NEK6: variants seen among roughly 807,000 people sequenced by gnomAD.
NEK6 encodes the protein serine/threonine-protein kinase Nek6.
In NEK6, 27 loss-of-function variants were observed where a neutral mutation model predicts 43.5. The ratio of observed to expected loss-of-function variants is 0.62; its 90% CI spans 0.46 to 0.86. NEK6 has a LOEUF of 0.86. Among genes scored for constraint, NEK6 ranks in the 40% least tolerant of loss-of-function variants. NEK6 has a pLI of 0.00. For missense variants in NEK6, 318 were observed against 414.4 expected (o/e 0.77, Z 2.02); for synonymous variants, 167 against 164.1 (o/e 1.02, Z -0.14).
At chr9:124,268,107 G>C (rs767577818) in intron 1 of NEK6, among the ~76,000 whole-genome samples, 1 of 152,122 alleles carries the variant, frequency 6.6e-6, no homozygotes, top group Non-Finnish European at 1.5e-5. Context: ...CAGGACATAT[G>C]GTCACTGTGA....
chr9:124,335,879 G>A (rs1276304338), intron 7 of NEK6, among the ~76,000 whole-genome samples: 7 of 152,256 alleles, frequency 4.6e-5, no homozygotes, highest in Non-Finnish European at 1.0e-4. Context: ...GGAGACCAAT[G>A]TGGGAGGATC....
At chr9:124,291,188 G>A (rs549503300) in intron 1 of NEK6, among the ~76,000 whole-genome samples, 43 of 152,274 alleles carry the variant, frequency 2.8e-4, no homozygotes, top group African/African-American at 7.9e-4. Context: ...TGTTTTACCC[G>A]TGAGAATGCA....
chr9:124,353,228 C>T lies in NEK6; in HGVS notation c.*2281C>T. The stretch of plus-strand genomic sequence containing the variant: ...AACCAAACCAAACCTGAGGCCACCC[C>T]AAACAAATTCAGCCAGCAAAAAGGG... On this transcript the variant is annotated 3_prime_UTR_variant, in exon 10 of 10. Coordinates refer to ENST00000320246, the MANE Select transcript of NEK6 (RefSeq NM_014397.6). 1 of 224,546 alleles carries T rather than the reference C, an allele frequency of 4.5e-6. No homozygotes were observed. The highest frequency in any genetic ancestry group is 8.7e-6 in the Non-Finnish European group (1 of 115,570). The allele number at this position is 224,546 out of a possible 1,614,324, so 13.9% of individuals were successfully genotyped here.
intron 2 of NEK6, among the ~76,000 whole-genome samples, chr9:124,305,045 G>A (rs1054461647): frequency 6.6e-6 from 1 of 152,182 alleles, no homozygotes; most frequent in Non-Finnish European, 1.5e-5. Flanking sequence ...AGAAAGCCCC[G>A]GCTAATGTGT....
Position 124,312,637 on chromosome 9 carries a change from G to A in NEK6, c.219G>A (p.Leu73=). ...TGCTGGACAGGAAGACAGTGGCTCT[G>A]AAGAAGGTGCAGGTGAGCTGACAAC... ...TCLLDRKTVA[L]KKVQIFEMMD... Residue 73 remains leucine (L), a synonymous_variant, in exon 3 of 10, where the codon CTG becomes CTA. Coordinates refer to ENST00000320246, the MANE Select transcript of NEK6 (RefSeq NM_014397.6). The A allele has an allele frequency of 6.2e-7, 1 of 1,613,286 alleles. No homozygotes were observed. The highest frequency in any genetic ancestry group is 8.5e-7 in the Non-Finnish European group (1 of 1,179,338).
At chr9:124,320,872 G>T (rs746210957) in intron 4 of NEK6, among the ~76,000 whole-genome samples, 1 of 152,184 alleles carries the variant, frequency 6.6e-6, no homozygotes, top group Non-Finnish European at 1.5e-5. Context: ...TGGGAGGATC[G>T]CTTGAACCTA....
At chr9:124,279,762 C>T (rs1831812661) in intron 1 of NEK6, among the ~76,000 whole-genome samples, 1 of 152,236 alleles carries the variant, frequency 6.6e-6, no homozygotes, top group Non-Finnish European at 1.5e-5. Context: ...ATTGGCACCA[C>T]CCAGTCACTC....
At chr9:124,262,486 C>T (rs536311352) in intron 1 of NEK6, among the ~76,000 whole-genome samples, 37 of 152,334 alleles carry the variant, frequency 2.4e-4, no homozygotes, top group Non-Finnish European at 4.3e-4. Context: ...TACATGGCTG[C>T]GCCATTGTCT....
intron 1 of NEK6, among the ~76,000 whole-genome samples, chr9:124,271,018 C>G (rs1831415319): frequency 6.6e-6 from 1 of 152,226 alleles, no homozygotes; most frequent in Non-Finnish European, 1.5e-5. Flanking sequence ...CTCCACAGAG[C>G]TGGGGCCAGA....
At chr9:124,270,069 G>A (rs189723023) in intron 1 of NEK6, among the ~76,000 whole-genome samples, 41 of 147,452 alleles carry the variant, frequency 2.8e-4, no homozygotes, top group African/African-American at 9.7e-4. Context: ...TTCCTTCCAC[G>A]CCCCCCCCCC....
rs551000068 is a variant in NEK6, at chr9:124,324,075, G to A, written c.406-2255G>A. 2.1e-4 allele frequency among the ~76,000 whole-genome samples: 32 copies of A among 151,976 alleles called. No homozygotes were observed. Among genetic ancestry groups the A allele is most frequent in the African/African-American group, 7.0e-4 (29 of 41,408 alleles). On this transcript the variant is annotated intron_variant, in intron 5 of 9. Coordinates refer to ENST00000320246, the MANE Select transcript of NEK6 (RefSeq NM_014397.6). This position sits in a 1 kb window ranked among gnomAD's most constrained non-coding sequence, Gnocchi z 5.3. Reference sequence around the variant, plus strand: ...TGCCTGCTCCCGTTCCCTCCAACCCGGCTCAGGGGCCCTCACCTGCAGAGC... The same window carrying A: ...TGCCTGCTCCCGTTCCCTCCAACCCAGCTCAGGGGCCCTCACCTGCAGAGC...
intron 5 of NEK6, among the ~76,000 whole-genome samples, chr9:124,322,148 G>C (rs946892124): frequency 3.3e-5 from 5 of 152,174 alleles, no homozygotes; most frequent in African/African-American, 1.2e-4. Context: ...TCTTTTCCTG[G>C]CCTGGGACCC....
At position 124,263,420 on chromosome 9, in the gene NEK6, A is replaced by G. The variant is rs115172200; in HGVS notation, c.-30+5335A>G. Among the ~76,000 whole-genome samples, 341 of 152,308 alleles carry G rather than the reference A, an allele frequency of 2.2e-3. 1 individual carries two copies. Among genetic ancestry groups the G allele is most frequent in the African/African-American group, 8.0e-3 (332 of 41,560 alleles). On this transcript the variant is annotated intron_variant, in intron 1 of 9. Transcript: ENST00000320246. ...TGGAGTCCCAGACCTGCCTCTCATG[A>G]GCACGTCGCCCACTGAGCCTCAGCG...
At chr9:124,337,867 T>C (rs1389455056) in intron 7 of NEK6, among the ~76,000 whole-genome samples, 2 of 152,278 alleles carry the variant, frequency 1.3e-5, no homozygotes, top group East Asian at 3.8e-4. Context: ...CAGCAAAGCA[T>C]GGACATTCCA....
At chr9:124,328,889 G>A (rs3780205) in intron 7 of NEK6, among the ~76,000 whole-genome samples, 13,887 of 152,256 alleles carry the variant, frequency 0.091, 1,150 homozygotes, top group East Asian at 0.45. Context: ...CCAAAGGGAA[G>A]ATGTGTAGGG....
chr9:124,282,021 G>A (rs994860711), intron 1 of NEK6, among the ~76,000 whole-genome samples: 2 of 152,242 alleles, frequency 1.3e-5, no homozygotes, highest in African/African-American at 2.4e-5. Context: ...ATGGCCACAC[G>A]TGAGCCCCCG....
In NEK6 at chr9:124,343,152, G is replaced by T. The variant is rs1286075808; in HGVS notation, c.717+3487G>T. Among the ~76,000 whole-genome samples the T allele has an allele frequency of 1.3e-5, 2 of 151,824 alleles. No homozygotes were observed. Among genetic ancestry groups the T allele is most frequent in the African/African-American group, 4.8e-5 (2 of 41,276 alleles). On this transcript the variant is annotated intron_variant, in intron 8 of 9. Transcript: ENST00000320246. The surrounding 1 kb of genome is among the most constrained non-coding windows in gnomAD (Gnocchi z 5.1). ...GTGACTCCCTGGCATTGAGGCTCGGGTTACGCCGAGCTGACTCATTTGTTG... is the reference window on the plus strand; with the variant it reads ...GTGACTCCCTGGCATTGAGGCTCGGTTTACGCCGAGCTGACTCATTTGTTG...
chr9:124,280,399 C>T (rs1019789453), intron 1 of NEK6, among the ~76,000 whole-genome samples: 7 of 152,208 alleles, frequency 4.6e-5, no homozygotes, highest in Non-Finnish European at 7.3e-5. Flanking sequence ...TGAGGCTTGC[C>T]GCTCACGCTG....
At chr9:124,321,091 C>G (rs188922522) in intron 4 of NEK6, among the ~76,000 whole-genome samples, 1 of 152,048 alleles carries the variant, frequency 6.6e-6, no homozygotes, top group African/African-American at 2.4e-5. Context: ...CCCTCAGGGT[C>G]GGGGTGGTGA....
Sources: gnomAD v4.1 joint callset for allele counts (sites outside exome capture counted in the v4.1 genomes callset) on GRCh38, gnomAD v4.1.1 for gene constraint, Gnocchi (gnomAD v3.1) non-coding constraint, MANE v1.5 for transcripts, NCBI Gene and HGNC (gene_info 2026-07-23, HGNC 2026-07-21) for gene names.